DNAJB6: variants seen among roughly 807,000 people sequenced by gnomAD.
DNAJB6 encodes the protein DnaJ heat shock protein family (Hsp40) member B6.
DNAJB6 carries 16 observed loss-of-function variants against 42.7 expected under a neutral mutation model. That is an observed-to-expected ratio of 0.37 (90% CI 0.25 to 0.57). DNAJB6 has a LOEUF of 0.57. Among genes scored for constraint, DNAJB6 ranks in the 20% least tolerant of loss-of-function variants. The probability of loss-of-function intolerance (pLI) is 0.74; values close to 1 mark genes in which losing one functional copy is unlikely to be tolerated. For synonymous variants in DNAJB6, 170 were observed against 163.5 expected (o/e 1.04, Z -0.30); for missense variants, 347 against 416.8 (o/e 0.83, Z 1.46).
intron 8 of DNAJB6, among the ~76,000 whole-genome samples, chr7:157,401,642 C>G (rs1027460900): frequency 1.3e-5 from 2 of 152,148 alleles, no homozygotes; most frequent in African/African-American, 2.4e-5. Flanking sequence ...GGACATGGTT[C>G]AGCTTGTAAC....
chr7:157,384,751 C>A, intron 6 of DNAJB6, 116 bp from the exon 7 acceptor site: 2 of 1,023,678 alleles, frequency 2.0e-6, no homozygotes, highest in Non-Finnish European at 2.9e-6. Context: ...TCGTTTATTA[C>A]TCCTCGGTTC....
At chr7:157,375,822 C>T (rs1332014292) in intron 5 of DNAJB6, among the ~76,000 whole-genome samples, 2 of 152,218 alleles carry the variant, frequency 1.3e-5, no homozygotes, top group African/African-American at 2.4e-5. Flanking sequence ...GAATCTCAAG[C>T]GTTTCTCCCT....
chr7:157,346,316 TAAAAAA>T (rs60806134), intron 1 of DNAJB6, among the ~76,000 whole-genome samples: 10 of 117,732 alleles, frequency 8.5e-5, no homozygotes, highest in Admixed American at 4.0e-4. Flanking sequence ...CAAGGAGTAG[TAAAAAA>T]AAAAAAAAAA....
chr7:157,409,197 G>A (rs559742093), intron 8 of DNAJB6, among the ~76,000 whole-genome samples: 1 of 152,208 alleles, frequency 6.6e-6, no homozygotes, highest in South Asian at 2.1e-4. Flanking sequence ...ATTAATAAAA[G>A]CACAACTTTT....
At position 157,337,072 on chromosome 7, in the gene DNAJB6, C is replaced by G. The variant is rs1423688933; in HGVS notation, c.-99C>G. 2 of 152,712 alleles carry G rather than the reference C, an allele frequency of 1.3e-5. No homozygotes were observed. Among genetic ancestry groups the G allele is most frequent in the African/African-American group, 4.8e-5 (2 of 41,456 alleles). The allele number at this position is 152,712 out of a possible 1,614,324, so 9.5% of individuals were successfully genotyped here. On this transcript the variant is annotated 5_prime_UTR_variant, in exon 1 of 10. Transcript: ENST00000262177. Reference sequence around the variant, plus strand: ...CCGCCGCCACCACCAGCGCAGCAGTCCTGGAGCTGTGAGGAGATTCGGGCC... The same window carrying G: ...CCGCCGCCACCACCAGCGCAGCAGTGCTGGAGCTGTGAGGAGATTCGGGCC...
At position 157,366,694 on chromosome 7, in the gene DNAJB6, T is replaced by G. The variant is rs1388063728; in HGVS notation, c.235+133T>G. 1.2e-5 allele frequency: 9 copies of G among 761,882 alleles called. 1 individual carries two copies. Among genetic ancestry groups the G allele is most frequent in the Non-Finnish European group, 1.8e-5 (8 of 454,948 alleles). 47.2% of individuals were successfully genotyped at this position (761,882 alleles called of 1,614,324 possible). A position where few individuals can be genotyped will look rare whatever the true frequency, so the allele number is the denominator to read the frequency against. On this transcript the variant is annotated intron_variant, in intron 4 of 9. Coordinates refer to ENST00000262177, the MANE Select transcript of DNAJB6 (RefSeq NM_058246.4). The stretch of plus-strand genomic sequence containing the variant: ...ATGCAACGTAGAAAGCGAACTAAAT[T>G]GGGGAGAGGACAGAGAAATTGATGG...
chr7:157,389,025 T>C (rs1801214627), intron 8 of DNAJB6, among the ~76,000 whole-genome samples: 1 of 152,226 alleles, frequency 6.6e-6, no homozygotes, highest in Non-Finnish European at 1.5e-5. Context: ...AGTCCTTCAA[T>C]GAGTAGATTT....
intron 2 of DNAJB6, among the ~76,000 whole-genome samples, chr7:157,360,267 C>A (rs1235321422): frequency 6.6e-6 from 1 of 152,166 alleles, no homozygotes; most frequent in Non-Finnish European, 1.5e-5. Flanking sequence ...AAAGCGGAAA[C>A]CCCTTATAAA....
At chr7:157,405,277 GGA>G (rs1795723797) in intron 8 of DNAJB6, among the ~76,000 whole-genome samples, 1 of 152,232 alleles carries the variant, frequency 6.6e-6, no homozygotes. Context: ...CTTTGCCATG[GGA>G]GAGGGTGTTG....
At chr7:157,347,898 C>T (rs370344582) in intron 1 of DNAJB6, among the ~76,000 whole-genome samples, 4 of 152,044 alleles carry the variant, frequency 2.6e-5, no homozygotes, top group East Asian at 1.9e-4. Context: ...CGGGCTCAAG[C>T]GATTCTTCTG....
chr7:157,412,134 T>TAA (rs1489758833), intron 9 of DNAJB6: 1 of 152,172 alleles, frequency 6.6e-6, no homozygotes, highest in Non-Finnish European at 1.5e-5. Context: ...GTCAGAGACT[T>TAA]TTACTTAAGT....
intron 8 of DNAJB6, among the ~76,000 whole-genome samples, chr7:157,392,099 C>CAAAAAAA (rs57861175): frequency 8.0e-5 from 9 of 112,254 alleles, no homozygotes; most frequent in Non-Finnish European, 1.3e-4. Flanking sequence ...GACCCTGTCT[C>CAAAAAAA]AAAAAAAAAA....
At position 157,372,467 on chromosome 7, in the gene DNAJB6, C is replaced by T. The variant is rs1004061840; in HGVS notation, c.346+4984C>T. ...GGAGCACAGCGGGCCAGAGCTGGGG[C>T]GCTGCCGGCACCACCATAAAGTGTC... On this transcript the variant is annotated intron_variant, in intron 5 of 9. Coordinates refer to ENST00000262177, the MANE Select transcript of DNAJB6 (RefSeq NM_058246.4). Among the ~76,000 whole-genome samples, 10 of 152,278 alleles carry T rather than the reference C, an allele frequency of 6.6e-5. No individual in the cohort carries two copies. The East Asian group carries it at 1.7e-3, about 26-fold the overall frequency.
In DNAJB6 at chr7:157,349,214, C is replaced by T. The variant is rs144809516; in HGVS notation, c.-26-9333C>T. Among the ~76,000 whole-genome samples the T allele has an allele frequency of 1.8e-3, 270 of 152,264 alleles. 12 individuals are homozygous for T. In the East Asian group the frequency reaches 0.049, roughly 28 times the overall value. On this transcript the variant is annotated intron_variant, in intron 1 of 9. Coordinates refer to ENST00000262177, the MANE Select transcript of DNAJB6 (RefSeq NM_058246.4). ...TATTTGTCTACATGCCTGTCTTCCACTAAACTTGATGACTTTTATTATTTC... is the reference window on the plus strand; with the variant it reads ...TATTTGTCTACATGCCTGTCTTCCATTAAACTTGATGACTTTTATTATTTC...
chr7:157,371,549 G>A (rs79892803), intron 5 of DNAJB6, among the ~76,000 whole-genome samples: 1,679 of 152,360 alleles, frequency 0.011, 30 homozygotes, highest in East Asian at 0.06. Flanking sequence ...AGGAGAGGTC[G>A]CGGAGGCGGA....
chr7:157,408,805 C>T (rs1372206529), intron 8 of DNAJB6, among the ~76,000 whole-genome samples: 2 of 152,262 alleles, frequency 1.3e-5, no homozygotes, highest in African/African-American at 4.8e-5. Flanking sequence ...CTCCTCAGTG[C>T]TTGCGGGGAA....
At chr7:157,365,878 G>T (rs1051482480) in intron 3 of DNAJB6, among the ~76,000 whole-genome samples, 2 of 151,780 alleles carry the variant, frequency 1.3e-5, no homozygotes, top group African/African-American at 2.4e-5. Flanking sequence ...TGGCCAGGCT[G>T]CTCTCGAACT....
intron 5 of DNAJB6, among the ~76,000 whole-genome samples, chr7:157,373,096 A>G (rs1381824009): frequency 1.3e-5 from 2 of 151,904 alleles, no homozygotes; most frequent in African/African-American, 4.8e-5. Flanking sequence ...TAAGGACATC[A>G]TTTATATTGG....
intron 8 of DNAJB6, among the ~76,000 whole-genome samples, chr7:157,392,048 G>A (rs1163801199): frequency 6.7e-6 from 1 of 149,044 alleles, no homozygotes; most frequent in Non-Finnish European, 1.5e-5. Context: ...GCTGCAGTGA[G>A]CCGTGATCGA....
Sources: gnomAD v4.1 joint callset for allele counts (sites outside exome capture counted in the v4.1 genomes callset) on GRCh38, gnomAD v4.1.1 for gene constraint, MANE v1.5 for transcripts, NCBI Gene and HGNC (gene_info 2026-07-23, HGNC 2026-07-21) for gene names.